The following CDH13 variants were observed in gnomAD, a reference collection of about 807,000 sequenced individuals.
The protein encoded by CDH13 is cadherin 13.
A neutral mutation model predicts 63.8 loss-of-function variants in CDH13; 24 were observed. That is an observed-to-expected ratio of 0.38 (90% CI 0.27 to 0.53). The LOEUF is 0.53. Ranked by LOEUF, CDH13 falls within the 20% of genes least tolerant of loss-of-function variation. The pLI is 0.85. For missense variants in CDH13, 1,049 were observed against 903.1 expected, an observed-to-expected ratio of 1.16 and a Z score of -2.07; for synonymous variants, 503 against 355.3, an observed-to-expected ratio of 1.42 and a Z score of -4.67.
At chr16:82,735,934 C>T (rs1202472958) in intron 1 of CDH13, among the ~76,000 whole-genome samples, 13 of 152,162 alleles carry the variant, frequency 8.5e-5, no homozygotes, top group African/African-American at 2.4e-4. Flanking sequence ...AAAAACCAGA[C>T]GCTATACTCA....
chr16:83,532,974 C>T (rs1282123050), intron 7 of CDH13, among the ~76,000 whole-genome samples: 2 of 152,192 alleles, frequency 1.3e-5, no homozygotes, highest in Admixed American at 6.5e-5. Flanking sequence ...AACACAAACT[C>T]GTGGTGACAG....
At chr16:83,725,594 A>T (rs1055232032) in intron 10 of CDH13, 1 of 152,244 alleles carries the variant, frequency 6.6e-6, no homozygotes, top group Non-Finnish European at 1.5e-5. Context: ...ATAACCTAAG[A>T]CAAAGGCAGT....
chr16:83,249,065 A>G (rs1015128181), intron 5 of CDH13, among the ~76,000 whole-genome samples: 1 of 152,236 alleles, frequency 6.6e-6, no homozygotes, highest in Non-Finnish European at 1.5e-5. Context: ...CTCAGAAATA[A>G]CTTTGAGTAG....
chr16:83,442,566 T>C (rs1205791121), intron 6 of CDH13, among the ~76,000 whole-genome samples: 1 of 152,254 alleles, frequency 6.6e-6, no homozygotes, highest in Non-Finnish European at 1.5e-5. Context: ...TTTTTTTTCT[T>C]TTTCTTTATA....
chr16:83,387,626 G>C (rs376924318), intron 6 of CDH13, among the ~76,000 whole-genome samples: 6 of 152,318 alleles, frequency 3.9e-5, no homozygotes, highest in East Asian at 1.9e-4. Context: ...TTATCTTCTT[G>C]TGTTGCTTTG....
At chr16:83,430,841 A>C (rs1401600339) in intron 6 of CDH13, among the ~76,000 whole-genome samples, 2 of 151,528 alleles carry the variant, frequency 1.3e-5, no homozygotes, top group African/African-American at 4.9e-5. Flanking sequence ...TTATACTTTA[A>C]GTTTTAGGGT....
At chr16:83,353,550 T>G (rs1188500092) in intron 6 of CDH13, among the ~76,000 whole-genome samples, 1 of 152,262 alleles carries the variant, frequency 6.6e-6, no homozygotes, top group African/African-American at 2.4e-5. Flanking sequence ...AACTGTATGT[T>G]TCTTCTTTAA....
Position 82,674,313 on chromosome 16 carries a change from G to C in CDH13, c.45+47176G>C, listed in dbSNP as rs951448324. Among the ~76,000 whole-genome samples, 4 of 152,174 alleles carry C rather than the reference G, an allele frequency of 2.6e-5. No homozygotes were observed. In the South Asian group the frequency reaches 8.3e-4, roughly 32 times the overall value. ...TGTTTATGAAGATCCCTTTCTTCAG[G>C]TCAGACTAGAGATTGTACCTACAAA... On this transcript the variant is annotated intron_variant, in intron 1 of 13. Coordinates refer to ENST00000567109, the MANE Select transcript of CDH13 (RefSeq NM_001257.5).
intron 6 of CDH13, among the ~76,000 whole-genome samples, chr16:83,363,298 T>G (rs1158125904): frequency 6.6e-6 from 1 of 152,328 alleles, no homozygotes; most frequent in African/African-American, 2.4e-5. Flanking sequence ...GGACTTTCCT[T>G]TGTGGCTCCA....
At chr16:83,501,558 G>A (rs991400939) in intron 7 of CDH13, among the ~76,000 whole-genome samples, 4 of 152,162 alleles carry the variant, frequency 2.6e-5, no homozygotes, top group African/African-American at 7.2e-5. Context: ...AAACAATTAC[G>A]GCGTTTTTTC....
intron 11 of CDH13, among the ~76,000 whole-genome samples, chr16:83,779,507 C>G (rs183767487): frequency 7.6e-6 from 1 of 132,420 alleles, no homozygotes; most frequent in East Asian, 2.4e-4. Flanking sequence ...TATTGTTAGT[C>G]TTGTTTGCAA....
At chr16:82,978,910 C>A (rs1440569653) in intron 2 of CDH13, among the ~76,000 whole-genome samples, 2 of 152,164 alleles carry the variant, frequency 1.3e-5, no homozygotes, top group Admixed American at 1.3e-4. Flanking sequence ...CCTGGAAAAG[C>A]CACAGACACT....
intron 1 of CDH13, among the ~76,000 whole-genome samples, chr16:82,709,271 A>G (rs955407628): frequency 1.3e-5 from 2 of 152,228 alleles, no homozygotes; most frequent in African/African-American, 4.8e-5. Context: ...AATCCCAGGA[A>G]CCAAGAAAAA....
At position 83,464,817 on chromosome 16, in the gene CDH13, T is replaced by G. The variant is rs372549977; in HGVS notation, c.782-21660T>G. On this transcript the variant is annotated intron_variant, in intron 6 of 13. Coordinates refer to ENST00000567109, the MANE Select transcript of CDH13 (RefSeq NM_001257.5). Reference sequence around the variant, plus strand: ...CTAGTCAACCTAGTACAGAAAGTGATAATGTATTTTTGATGGGGTTTCACC... The same window carrying G: ...CTAGTCAACCTAGTACAGAAAGTGAGAATGTATTTTTGATGGGGTTTCACC... Among the ~76,000 whole-genome samples the G allele has an allele frequency of 1.3e-4, 20 of 152,280 alleles. No homozygotes were observed. The South Asian group carries it at 4.1e-3, about 32-fold the overall frequency.
chr16:83,445,500 G>A (rs2072660950), intron 6 of CDH13, among the ~76,000 whole-genome samples: 1 of 152,132 alleles, frequency 6.6e-6, no homozygotes, highest in Non-Finnish European at 1.5e-5. Context: ...GCTGCAGGGT[G>A]GAGGAAGCCA....
At chr16:82,726,443 T>G (rs867427472) in intron 1 of CDH13, among the ~76,000 whole-genome samples, 2 of 152,212 alleles carry the variant, frequency 1.3e-5, no homozygotes, top group South Asian at 2.1e-4. Flanking sequence ...GTTACTTTCT[T>G]TTGACATTTT....
intron 7 of CDH13, among the ~76,000 whole-genome samples, chr16:83,523,398 G>A (rs1005215390): frequency 2.6e-5 from 4 of 152,202 alleles, no homozygotes; most frequent in Non-Finnish European, 4.4e-5. Flanking sequence ...CTTCAATCCT[G>A]ATAGCTTTTT....
intron 10 of CDH13, among the ~76,000 whole-genome samples, chr16:83,686,488 A>C (rs566154326): frequency 6.6e-6 from 1 of 152,244 alleles, no homozygotes; most frequent in Non-Finnish European, 1.5e-5. Context: ...AATTGAAATT[A>C]ATAAATATCA....
chr16:83,724,418 G>A (rs571914956), intron 10 of CDH13, among the ~76,000 whole-genome samples: 70 of 124,702 alleles, frequency 5.6e-4, no homozygotes, highest in Non-Finnish European at 1.2e-3. Flanking sequence ...TGAATGCATA[G>A]GTGAGTGAGG....
Sources: allele counts gnomAD v4.1 joint callset (sites outside exome capture counted in the v4.1 genomes callset), GRCh38; gene constraint gnomAD v4.1.1; transcripts MANE v1.5; gene names NCBI Gene and HGNC (gene_info 2026-07-23, HGNC 2026-07-21).